The following CCSER1 variants were observed in gnomAD, a reference collection of about 807,000 sequenced individuals.
CCSER1 encodes coiled-coil serine rich protein 1.
A neutral mutation model predicts 82.0 loss-of-function variants in CCSER1; 41 were observed. The ratio of observed to expected loss-of-function variants is 0.50; its 90% CI spans 0.39 to 0.65. CCSER1 has a LOEUF of 0.65. Ranked by LOEUF, CCSER1 falls within the 30% of genes least tolerant of loss-of-function variation. The pLI, the probability that CCSER1 is intolerant of heterozygous loss-of-function variation, is 0.00. For missense variants in CCSER1, 1,119 were observed against 1,064.2 expected, an observed-to-expected ratio of 1.05 and a Z score of -0.72; for synonymous variants, 414 against 383.9, an observed-to-expected ratio of 1.08 and a Z score of -0.92.
chr4:91,453,968 C>T (rs1249348023), intron 10 of CCSER1, among the ~76,000 whole-genome samples: 3 of 152,000 alleles, frequency 2.0e-5, no homozygotes, highest in African/African-American at 7.2e-5. Flanking sequence ...TACAGTGTCT[C>T]ACAGATGTCA....
intron 9 of CCSER1, among the ~76,000 whole-genome samples, chr4:91,081,733 A>G (rs1489663702): frequency 6.6e-6 from 1 of 152,226 alleles, no homozygotes; most frequent in African/African-American, 2.4e-5. Flanking sequence ...TACAAAATCA[A>G]TGTGCAAAAA....
chr4:90,610,252 CAAATAAAT>C (rs201777020), intron 5 of CCSER1, among the ~76,000 whole-genome samples: 27,128 of 135,814 alleles, frequency 0.2, 3,524 homozygotes, highest in African/African-American at 0.37. Flanking sequence ...GACTCCATCT[CAAATAAAT>C]AAATAAATAA....
chr4:91,447,535 AATGAT>A (rs1413612119), intron 10 of CCSER1, among the ~76,000 whole-genome samples: 1 of 152,128 alleles, frequency 6.6e-6, no homozygotes, highest in Non-Finnish European at 1.5e-5. Flanking sequence ...TGCTGAAAAC[AATGAT>A]ATGTCAGTTT....
chr4:91,221,465 G>C (rs796546235), intron 10 of CCSER1, among the ~76,000 whole-genome samples: 26 of 152,172 alleles, frequency 1.7e-4, no homozygotes, highest in African/African-American at 5.8e-4. Flanking sequence ...ATTTATTAAA[G>C]AGTGTTATAA....
At chr4:91,568,475 T>TAGAAAGGAAA in intron 10 of CCSER1, among the ~76,000 whole-genome samples, 1 of 152,216 alleles carries the variant, frequency 6.6e-6, no homozygotes, top group Non-Finnish European at 1.5e-5. Flanking sequence ...CTTTCCTTTC[T>TAGAAAGGAAA]GGGAAGCCAG....
At chr4:90,572,469 A>T (rs939149318) in intron 5 of CCSER1, among the ~76,000 whole-genome samples, 3 of 152,082 alleles carry the variant, frequency 2.0e-5, no homozygotes, top group Non-Finnish European at 4.4e-5. Context: ...CACCTATGAC[A>T]TGAAAGTTTG....
In CCSER1 at chr4:91,230,152, T is replaced by G. The variant is rs566533577; in HGVS notation, c.2217+144158T>G. 3.6e-4 allele frequency among the ~76,000 whole-genome samples: 55 copies of G among 152,226 alleles called. 1 individual carries two copies. In the South Asian group the frequency reaches 0.011, roughly 31 times the overall value. On this transcript the variant is annotated intron_variant, in intron 10 of 10. Coordinates refer to ENST00000509176, the MANE Select transcript of CCSER1 (RefSeq NM_001145065.2). The stretch of plus-strand genomic sequence containing the variant: ...AAACTTTAGCCACAAACTTTAGCCA[T>G]AAACTTTTCTATATATAGAAAAACT...
At chr4:90,509,184 C>T (rs555686031) in intron 5 of CCSER1, among the ~76,000 whole-genome samples, 8 of 152,080 alleles carry the variant, frequency 5.3e-5, no homozygotes, top group East Asian at 3.9e-4. Flanking sequence ...GCAAAAAGAG[C>T]GTTTTTTATA....
At chr4:90,362,797 C>T (rs1209129964) in intron 3 of CCSER1, among the ~76,000 whole-genome samples, 3 of 152,142 alleles carry the variant, frequency 2.0e-5, no homozygotes, top group Non-Finnish European at 4.4e-5. Context: ...ATTCCATGGG[C>T]TACATTCTGA....
At chr4:90,632,871 G>A (rs1724696835) in intron 6 of CCSER1, among the ~76,000 whole-genome samples, 1 of 151,994 alleles carries the variant, frequency 6.6e-6, no homozygotes, top group African/African-American at 2.4e-5. Context: ...CTTCACAACT[G>A]GTCTTACTTC....
At chr4:90,777,714 G>A (rs1374366732) in intron 7 of CCSER1, among the ~76,000 whole-genome samples, 1 of 152,070 alleles carries the variant, frequency 6.6e-6, no homozygotes, top group Non-Finnish European at 1.5e-5. Context: ...ACATTAAAGT[G>A]TGTTTAAAAC....
intron 10 of CCSER1, among the ~76,000 whole-genome samples, chr4:91,163,719 T>A (rs999177179): frequency 1.3e-5 from 2 of 152,158 alleles, no homozygotes; most frequent in Non-Finnish European, 2.9e-5. Context: ...CTTTGTTGGT[T>A]TAAAGTCTGT....
intron 8 of CCSER1, among the ~76,000 whole-genome samples, chr4:90,857,815 C>T (rs979508752): frequency 1.5e-4 from 23 of 152,086 alleles, no homozygotes; most frequent in East Asian, 9.7e-4. Context: ...ATCTAATGCA[C>T]AACATATGGA....
intron 10 of CCSER1, among the ~76,000 whole-genome samples, chr4:91,254,735 G>T (rs369127885): frequency 1.2e-3 from 189 of 151,762 alleles, no homozygotes; most frequent in African/African-American, 4.3e-3. Context: ...TTTTAATTTT[G>T]GGGGAAAACA....
chr4:91,080,395 A>G (rs888668781), intron 9 of CCSER1, among the ~76,000 whole-genome samples: 2 of 152,194 alleles, frequency 1.3e-5, no homozygotes, highest in African/African-American at 4.8e-5. Context: ...ACACACCAGA[A>G]TCTCTGGGAC....
chr4:91,353,259 C>T (rs1239801759), intron 10 of CCSER1, among the ~76,000 whole-genome samples: 1 of 152,020 alleles, frequency 6.6e-6, no homozygotes. Flanking sequence ...TTTAAGGGCT[C>T]ACAACACTAA....
chr4:91,570,842 G>A (rs932966967), intron 10 of CCSER1, among the ~76,000 whole-genome samples: 2 of 152,128 alleles, frequency 1.3e-5, no homozygotes, highest in South Asian at 2.1e-4. Flanking sequence ...TTCTCCAGGG[G>A]TATTGAATTT....
At chr4:90,312,723 G>A in intron 2 of CCSER1, 140 bp from the exon 3 acceptor site, 3 of 667,530 alleles carry the variant, frequency 4.5e-6, no homozygotes, top group Non-Finnish European at 7.7e-6. Flanking sequence ...GAACTAAACT[G>A]ATGCTATACA....
chr4:90,640,127 C>G (rs1284941906), intron 6 of CCSER1, among the ~76,000 whole-genome samples: 1 of 152,030 alleles, frequency 6.6e-6, no homozygotes, highest in Admixed American at 6.6e-5. Context: ...ATTTGGCAAT[C>G]CTTTGAAGTT....
Sources: gnomAD v4.1 joint callset for allele counts (sites outside exome capture counted in the v4.1 genomes callset) on GRCh38, gnomAD v4.1.1 for gene constraint, MANE v1.5 for transcripts, NCBI Gene and HGNC (gene_info 2026-07-23, HGNC 2026-07-21) for gene names.